Variants in CACNB2 observed in about 807,000 individuals in gnomAD.
The protein encoded by CACNB2 is voltage-dependent L-type calcium channel subunit beta-2.
Under a neutral mutation model 73.3 loss-of-function variants are expected in CACNB2, and 42 were observed. That is an observed-to-expected ratio of 0.57 (90% CI 0.45 to 0.74). CACNB2 has a LOEUF of 0.74. Ranked by LOEUF, CACNB2 falls within the 30% of genes least tolerant of loss-of-function variation. CACNB2 has a pLI of 0.00. For missense variants in CACNB2, 940 were observed against 853.0 expected (o/e 1.10, Z -1.27); for synonymous variants, 348 against 310.3 (o/e 1.12, Z -1.28).
chr10:18,259,641 G>A (rs2037445110), intron 2 of CACNB2, among the ~76,000 whole-genome samples: 1 of 150,690 alleles, frequency 6.6e-6, no homozygotes, highest in African/African-American at 2.4e-5. Context: ...TGAGGCAGGA[G>A]AATTGCTTGA....
intron 3 of CACNB2, among the ~76,000 whole-genome samples, chr10:18,427,730 A>G (rs1280908638): frequency 6.6e-6 from 1 of 151,892 alleles, no homozygotes; most frequent in South Asian, 2.1e-4. Context: ...TTCTTTTTCT[A>G]TCTCATCTAG....
chr10:18,470,578 C>T (rs962456886), intron 3 of CACNB2, among the ~76,000 whole-genome samples: 1 of 151,716 alleles, frequency 6.6e-6, no homozygotes, highest in South Asian at 2.1e-4. Flanking sequence ...ATATCTCTCA[C>T]CTTTCTATCT....
chr10:18,470,390 A>G (rs866632632), intron 3 of CACNB2, among the ~76,000 whole-genome samples: 11 of 149,528 alleles, frequency 7.4e-5, no homozygotes, highest in South Asian at 2.1e-4. Context: ...AGACTATGAT[A>G]TACAGCATGT....
intron 3 of CACNB2, among the ~76,000 whole-genome samples, chr10:18,431,694 AG>A (rs2045895996): frequency 6.6e-6 from 1 of 152,244 alleles, no homozygotes; most frequent in South Asian, 2.1e-4. Context: ...TTGATAAAAA[AG>A]CCAAGAAACA....
intron 3 of CACNB2, among the ~76,000 whole-genome samples, chr10:18,425,031 A>G (rs1395501807): frequency 2.0e-5 from 3 of 152,192 alleles, no homozygotes; most frequent in African/African-American, 7.2e-5. Flanking sequence ...CAGTTTTTAA[A>G]GTGTTTGCCT....
intron 2 of CACNB2, among the ~76,000 whole-genome samples, chr10:18,264,501 C>T (rs1374023821): frequency 1.3e-5 from 2 of 152,174 alleles, no homozygotes; most frequent in East Asian, 1.9e-4. Flanking sequence ...CAACCTTCTC[C>T]TCCCTTCCAA....
At chr10:18,226,620 G>A (rs962381168) in intron 2 of CACNB2, among the ~76,000 whole-genome samples, 2 of 152,116 alleles carry the variant, frequency 1.3e-5, no homozygotes, top group Non-Finnish European at 2.9e-5. Flanking sequence ...ATTCATGAGC[G>A]TGTGGCCGTA....
chr10:18,517,830 G>A (rs1171695633), intron 7 of CACNB2, among the ~76,000 whole-genome samples: 1 of 152,178 alleles, frequency 6.6e-6, no homozygotes, highest in Non-Finnish European at 1.5e-5. Context: ...AAAAGTATTG[G>A]TAGTGAGAGT....
chr10:18,238,110 C>A (rs1757235), intron 2 of CACNB2, among the ~76,000 whole-genome samples: 73,195 of 151,962 alleles, frequency 0.48, 17,851 homozygotes, highest in Admixed American at 0.6. Context: ...TATGAAGGCT[C>A]TTTTCTGAAA....
At chr10:18,399,006 G>A (rs1453389460) in intron 2 of CACNB2, among the ~76,000 whole-genome samples, 9 of 152,100 alleles carry the variant, frequency 5.9e-5, no homozygotes, top group African/African-American at 1.4e-4. Context: ...GAATGCGACC[G>A]CGGGAATGAG....
At chr10:18,378,460 C>T (rs947107753) in intron 2 of CACNB2, among the ~76,000 whole-genome samples, 17 of 152,222 alleles carry the variant, frequency 1.1e-4, no homozygotes, top group African/African-American at 3.4e-4. Flanking sequence ...TATTAGACTC[C>T]ACAGTTGGCC....
chr10:18,326,137 G>A (rs1033568427), intron 2 of CACNB2, among the ~76,000 whole-genome samples: 1 of 151,934 alleles, frequency 6.6e-6, no homozygotes, highest in Non-Finnish European at 1.5e-5. Context: ...CAGAAGATAT[G>A]AGCTACTACA....
At chr10:18,387,322 AG>A (rs1439165432) in intron 2 of CACNB2, among the ~76,000 whole-genome samples, 1 of 152,030 alleles carries the variant, frequency 6.6e-6, no homozygotes, top group African/African-American at 2.4e-5. Context: ...TTTCCTTTAT[AG>A]TAGTTATCAG....
intron 3 of CACNB2, among the ~76,000 whole-genome samples, chr10:18,495,279 C>T (rs1299723146): frequency 5.3e-5 from 8 of 150,274 alleles, no homozygotes; most frequent in African/African-American, 2.0e-4. Flanking sequence ...TGCAGTGGTG[C>T]AATGATCTTT....
At chr10:18,429,110 C>A (rs919958661) in intron 3 of CACNB2, among the ~76,000 whole-genome samples, 27 of 152,272 alleles carry the variant, frequency 1.8e-4, no homozygotes, top group African/African-American at 6.5e-4. Context: ...AGATTTTTGA[C>A]AATGAAGTCT....
chr10:18,169,400 G>T (rs759629276), intron 2 of CACNB2, among the ~76,000 whole-genome samples: 2 of 151,916 alleles, frequency 1.3e-5, no homozygotes, highest in African/African-American at 4.8e-5. Context: ...GATTACAAAA[G>T]GCATATAATA....
intron 3 of CACNB2, among the ~76,000 whole-genome samples, chr10:18,459,298 T>A (rs1463385083): frequency 6.6e-6 from 1 of 152,166 alleles, no homozygotes; most frequent in Non-Finnish European, 1.5e-5. Flanking sequence ...CAGCTATCAT[T>A]TTTCTGTTTC....
intron 2 of CACNB2, among the ~76,000 whole-genome samples, chr10:18,373,698 T>A (rs1200187879): frequency 6.6e-6 from 1 of 152,216 alleles, no homozygotes; most frequent in Non-Finnish European, 1.5e-5. Flanking sequence ...GCCTAGATGT[T>A]CCTTCAGATT....
intron 2 of CACNB2, among the ~76,000 whole-genome samples, chr10:18,286,517 C>A (rs1232835472): frequency 6.6e-4 from 38 of 57,354 alleles, no homozygotes; most frequent in Admixed American, 1.1e-3. Context: ...GATTCTGTCT[C>A]AAAAAAAAAA....
Sources: gnomAD v4.1 joint callset for allele counts (sites outside exome capture counted in the v4.1 genomes callset) on GRCh38, gnomAD v4.1.1 for gene constraint, MANE v1.5 for transcripts, NCBI Gene and HGNC (gene_info 2026-07-23, HGNC 2026-07-21) for gene names.